SLC7A9: variants seen among roughly 807,000 people sequenced by gnomAD.
SLC7A9 encodes B(0,+)-type amino acid transporter 1.
SLC7A9 carries 38 observed loss-of-function variants against 54.1 expected under a neutral mutation model. The observed-to-expected ratio is 0.70, with a 90% confidence interval of 0.54 to 0.92. SLC7A9 has a LOEUF of 0.92. SLC7A9 is among the 40% of genes least tolerant of loss of function. The pLI is 0.00. For missense variants in SLC7A9, 537 were observed against 636.1 expected (o/e 0.84, Z 1.68); for synonymous variants, 264 against 258.9 (o/e 1.02, Z -0.19).
chr19:32,836,573 A>G (rs1967965129), intron 11 of SLC7A9, among the ~76,000 whole-genome samples: 1 of 152,150 alleles, frequency 6.6e-6, no homozygotes, highest in Admixed American at 6.5e-5. Context: ...TGCAACTGAA[A>G]AAGGTATACT....
In SLC7A9 at chr19:32,830,702, A is replaced by G. The variant is rs2287883; in HGVS notation, c.1400-18T>C. ...AATCGGCTCTGAAATAAGAGTCAAA[A>G]ATGAGTACAGTTAGTTAGACTGAAA... On this transcript the variant is annotated intron_variant, in intron 12 of 12. Coordinates refer to ENST00000023064, the MANE Select transcript of SLC7A9 (RefSeq NM_014270.5). 174 of 1,605,642 alleles carry G rather than the reference A, an allele frequency of 1.1e-4. 1 individual carries two copies. The East Asian group carries it at 3.7e-3, about 34-fold the overall frequency.
At chr19:32,865,029 G>A (rs1412380573) in intron 2 of SLC7A9, among the ~76,000 whole-genome samples, 2 of 152,228 alleles carry the variant, frequency 1.3e-5, no homozygotes, top group Admixed American at 6.5e-5. Flanking sequence ...AGAGGAGGAC[G>A]CTGAGGCACA....
At chr19:32,850,544 G>T (rs1255039625) in intron 9 of SLC7A9, among the ~76,000 whole-genome samples, 1 of 151,876 alleles carries the variant, frequency 6.6e-6, no homozygotes, top group Non-Finnish European at 1.5e-5. Context: ...CAAACAAATG[G>T]AAGAACATTC....
chr19:32,839,552 CAAAA>C (rs913100576), intron 11 of SLC7A9, among the ~76,000 whole-genome samples: 5 of 82,800 alleles, frequency 6.0e-5, no homozygotes, highest in South Asian at 4.3e-4. Flanking sequence ...CACTCCGTCT[CAAAA>C]AAAAAAAAAA....
chr19:32,860,154 A>G, intron 7 of SLC7A9, 190 bp from the exon 8 acceptor site: 1 of 1,521,818 alleles, frequency 6.6e-7, no homozygotes, highest in Non-Finnish European at 8.8e-7. Context: ...ACTGTTTATA[A>G]AGCAAAATAA....
At chr19:32,843,396 G>A (rs904940713) in intron 10 of SLC7A9, among the ~76,000 whole-genome samples, 2 of 152,138 alleles carry the variant, frequency 1.3e-5, no homozygotes, top group Admixed American at 1.3e-4. Flanking sequence ...GGCGGAGGAT[G>A]CAGTGAGCCA....
chr19:32,835,486 T>C lies in SLC7A9; in HGVS notation c.1225-2163A>G, dbSNP rs544193887. On this transcript the variant is annotated intron_variant, in intron 11 of 12. Coordinates refer to ENST00000023064, the MANE Select transcript of SLC7A9 (RefSeq NM_014270.5). ...CTCTATACAGATAAATTTGAATACA[T>C]GGAAGAAATGAACAATTTTCTAGGA... Among the ~76,000 whole-genome samples the C allele has an allele frequency of 5.9e-5, 9 of 152,330 alleles. No individual in the cohort carries two copies. The South Asian group carries it at 1.9e-3, about 32-fold the overall frequency.
At position 32,864,698 on chromosome 19, in the gene SLC7A9, GCA is replaced by G. The variant is rs1277423638; in HGVS notation, c.164_165del (p.Val55AlafsTer66). On this transcript the variant is annotated frameshift_variant, in exon 3 of 13. Coordinates refer to ENST00000023064, the MANE Select transcript of SLC7A9 (RefSeq NM_014270.5). LOFTEE classifies it high-confidence loss of function. ...GSGIFVSPKS[V>X]LSNTEAVGPC... ...GGCCCCACAGCTTCCGTGTTGCTGAGCACAGACTTGGGGGAAACGAAGATCCC... is the reference window on the plus strand; with the variant it reads ...GGCCCCACAGCTTCCGTGTTGCTGAGCAGACTTGGGGGAAACGAAGATCCC... 1.2e-6 allele frequency: 2 copies of G among 1,614,196 alleles called. No homozygotes were observed. The highest frequency in any genetic ancestry group is 2.2e-5 in the East Asian group (1 of 44,870).
In SLC7A9 at chr19:32,862,036, T is replaced by C. The variant is rs2145841927; in HGVS notation, c.704+82A>G. The C allele has an allele frequency of 1.8e-5, 16 of 893,814 alleles. No homozygotes were observed. In the South Asian group the frequency reaches 1.9e-4, roughly 11 times the overall value. The allele number at this position is 893,814 out of a possible 1,614,324, so 55.4% of individuals were successfully genotyped here. A position where few individuals can be genotyped will look rare whatever the true frequency, so the allele number is the denominator to read the frequency against. ...ACCAAACCCCAGAAAGGAGAACTCA[T>C]TGTTTTCCATGACAGGTGGAGTTAA... On this transcript the variant is annotated intron_variant, in intron 6 of 12. Coordinates refer to ENST00000023064, the MANE Select transcript of SLC7A9 (RefSeq NM_014270.5).
At chr19:32,858,607 A>C in intron 8 of SLC7A9, 64 bp from the exon 9 acceptor site, 1 of 1,364,494 alleles carries the variant, frequency 7.3e-7, no homozygotes, top group Non-Finnish European at 1.0e-6. Flanking sequence ...GCCGGCCCCC[A>C]AAAGCTATTC....
intron 11 of SLC7A9, among the ~76,000 whole-genome samples, chr19:32,835,194 T>C (rs1450606139): frequency 1.3e-5 from 2 of 152,244 alleles, no homozygotes; most frequent in African/African-American, 4.8e-5. Flanking sequence ...TGGGTTCTGT[T>C]TGTTAACATT....
rs1419942315 is a variant in SLC7A9, at chr19:32,864,673, G to A, written c.191C>T (p.Pro64Leu). The change falls in exon 3 of 13, where the codon CCC (proline) becomes CTC (leucine). Residue 64 changes from proline (P) to leucine (L), a missense_variant. Pro to Leu is a moderately conservative substitution (Grantham distance 98, BLOSUM62 -3). Transcript: ENST00000023064. ...SVLSNTEAVG[P>L]CLIIWAACGV... ...GCAAGCCGCCCATATGATGAGGCAGGGCCCCACAGCTTCCGTGTTGCTGAG... is the reference window on the plus strand; with the variant it reads ...GCAAGCCGCCCATATGATGAGGCAGAGCCCCACAGCTTCCGTGTTGCTGAG... The A allele has an allele frequency of 6.2e-7, 1 of 1,614,014 alleles. No homozygotes were observed. Among genetic ancestry groups the A allele is most frequent in the African/African-American group, 1.3e-5 (1 of 74,946 alleles).
At position 32,864,716 on chromosome 19, in the gene SLC7A9, C is replaced by T. The variant is rs549160267; in HGVS notation, c.148G>A (p.Val50Ile). Residue 50 changes from valine (V) to isoleucine (I), a missense_variant, in exon 3 of 13, where the codon GTT becomes ATT. Transcript: ENST00000023064. ...TTGCTGAGCACAGACTTGGGGGAAACGAAGATCCCAGAGCCAATGATGGTG... is the reference window on the plus strand; with the variant it reads ...TTGCTGAGCACAGACTTGGGGGAAATGAAGATCCCAGAGCCAATGATGGTG... Reference protein sequence around the residue: ...VGTIIGSGIFVSPKSVLSNTE... With the variant: ...VGTIIGSGIFISPKSVLSNTE... 24 of 1,614,170 alleles carry T rather than the reference C, an allele frequency of 1.5e-5. No homozygotes were observed. The highest frequency in any genetic ancestry group is 1.6e-4 in the Middle Eastern group (1 of 6,062).
rs115229362 is a variant in SLC7A9 at position 32,852,499 on chromosome 19, C to T, written c.977+5941G>A. On this transcript the variant is annotated intron_variant, in intron 9 of 12. Coordinates refer to ENST00000023064, the MANE Select transcript of SLC7A9 (RefSeq NM_014270.5). The stretch of plus-strand genomic sequence containing the variant: ...ACAGCGAGACCCTGTCTCAAAACGA[C>T]GAACAAAAACCCTAAATCAAGACTT... Among the ~76,000 whole-genome samples, 370 of 152,050 alleles carry T rather than the reference C, an allele frequency of 2.4e-3. 2 individuals are homozygous for T. The highest frequency in any genetic ancestry group is 8.7e-3 in the African/African-American group (361 of 41,472).
At chr19:32,848,313 A>G (rs191542818) in intron 9 of SLC7A9, among the ~76,000 whole-genome samples, 1,631 of 152,340 alleles carry the variant, frequency 0.011, 14 homozygotes, top group Non-Finnish European at 0.016. Flanking sequence ...AGAGACACTC[A>G]TAGGCTCAAA....
intron 6 of SLC7A9, 80 bp downstream of exon 6, chr19:32,862,038 G>T (rs2145841929): frequency 1.1e-6 from 1 of 907,312 alleles, no homozygotes. Context: ...AGAACTCATT[G>T]TTTTCCATGA....
rs147991208 is a variant in SLC7A9, at chr19:32,862,672, T to A, written c.479-86A>T. On this transcript the variant is annotated intron_variant, in intron 4 of 12. Coordinates refer to ENST00000023064, the MANE Select transcript of SLC7A9 (RefSeq NM_014270.5). The stretch of plus-strand genomic sequence containing the variant: ...CCTTTCTTTTATATATTTTTTATTT[T>A]TTTTTTTTTTTGAGATGGAGTCTCA... 870 of 1,251,728 alleles carry A rather than the reference T, an allele frequency of 7.0e-4. 4 individuals carry two copies. The highest frequency in any genetic ancestry group is 4.4e-3 in the African/African-American group (279 of 63,424). 77.5% of individuals were successfully genotyped at this position (1,251,728 alleles called of 1,614,324 possible).
In SLC7A9 at chr19:32,861,067, G is replaced by A. The variant is rs924228029; in HGVS notation, c.705-417C>T. Reference sequence around the variant, plus strand: ...AAATGGGCCAGGCATAGTGGCGCACGTCTGTAATCCCAGCACTTTGAGAAG... The same window carrying A: ...AAATGGGCCAGGCATAGTGGCGCACATCTGTAATCCCAGCACTTTGAGAAG... On this transcript the variant is annotated intron_variant, in intron 6 of 12. Coordinates refer to ENST00000023064, the MANE Select transcript of SLC7A9 (RefSeq NM_014270.5). 5.9e-5 allele frequency among the ~76,000 whole-genome samples: 9 copies of A among 152,152 alleles called. No homozygotes were observed. In the South Asian group the frequency reaches 6.2e-4, roughly 11 times the overall value.
At position 32,833,073 on chromosome 19, in the gene SLC7A9, T is replaced by G. The variant is rs1967852061; in HGVS notation, c.1399+76A>C. ...GGGTGAGACACTGTGACAGAGGTCT[T>G]GGAGTCAGGACAGGTGAGGACGCCG... On this transcript the variant is annotated intron_variant, in intron 12 of 12. Transcript: ENST00000023064. 7 of 1,383,056 alleles carry G rather than the reference T, an allele frequency of 5.1e-6. No homozygotes were observed. The East Asian group carries it at 1.6e-4, about 32-fold the overall frequency. The allele number at this position is 1,383,056 out of a possible 1,614,324, so 85.7% of individuals were successfully genotyped here. A position where few individuals can be genotyped will look rare whatever the true frequency, so the allele number is the denominator to read the frequency against.
Sources: allele counts gnomAD v4.1 joint callset (sites outside exome capture counted in the v4.1 genomes callset), GRCh38; gene constraint gnomAD v4.1.1; transcripts MANE v1.5; gene names NCBI Gene and HGNC (gene_info 2026-07-23, HGNC 2026-07-21).